Variants in GJB5 observed in about 807,000 individuals in gnomAD.
GJB5 encodes the protein gap junction protein beta 5.
For missense variants in GJB5, 333 were observed against 357.9 expected (o/e 0.93, Z 0.56); for synonymous variants, 146 against 145.5 (o/e 1.00, Z -0.02).
At chr1:34,755,951 T>G (rs1262061674) in intron 1 of GJB5, among the ~76,000 whole-genome samples, 1 of 152,256 alleles carries the variant, frequency 6.6e-6, no homozygotes, top group Non-Finnish European at 1.5e-5. Context: ...GAAGGAATAA[T>G]GTACTGATTC....
At position 34,758,197 on chromosome 1, in the gene GJB5, G is replaced by A. The variant is rs778328717; in HGVS notation, c.*45G>A. Reference sequence around the variant, plus strand: ...TGGCAGGTTGGGCCTGGATGGGGAGGCTCTAGCATCTCTCATAGGTGCAAC... The same window carrying A: ...TGGCAGGTTGGGCCTGGATGGGGAGACTCTAGCATCTCTCATAGGTGCAAC... On this transcript the variant is annotated 3_prime_UTR_variant, in exon 2 of 2. Coordinates refer to ENST00000338513, the MANE Select transcript of GJB5 (RefSeq NM_005268.4). 3.7e-5 allele frequency: 55 copies of A among 1,469,952 alleles called. 1 individual carries two copies. The East Asian group carries it at 1.2e-3, about 32-fold the overall frequency. The allele number at this position is 1,469,952 out of a possible 1,614,324, so 91.1% of individuals were successfully genotyped here. A position where few individuals can be genotyped will look rare whatever the true frequency, so the allele number is the denominator to read the frequency against.
In GJB5 at chr1:34,758,216, G is replaced by A. The variant is rs1639636081; in HGVS notation, c.*64G>A. On this transcript the variant is annotated 3_prime_UTR_variant, in exon 2 of 2. Coordinates refer to ENST00000338513, the MANE Select transcript of GJB5 (RefSeq NM_005268.4). ...GGGGAGGCTCTAGCATCTCTCATAG[G>A]TGCAACCTGAGAGTGGGGGAGCTAA... 3.2e-6 allele frequency: 4 copies of A among 1,264,908 alleles called. No homozygotes were observed. In the South Asian group the frequency reaches 5.3e-5, roughly 17 times the overall value. The allele number at this position is 1,264,908 out of a possible 1,614,324, so 78.4% of individuals were successfully genotyped here.
rs371248608 is a variant in GJB5 at position 34,757,323 on chromosome 1, G to A, written c.-8G>A. On this transcript the variant is annotated 5_prime_UTR_variant, in exon 2 of 2. An upstream open reading frame in the 5' UTR gains an earlier in-frame stop. Coordinates refer to ENST00000338513, the MANE Select transcript of GJB5 (RefSeq NM_005268.4). Reference sequence around the variant, plus strand: ...TCCCTGCAGTAGCAGCTGACGCGTGGGTCCACCATGAACTGGAGTATCTTT... The same window carrying A: ...TCCCTGCAGTAGCAGCTGACGCGTGAGTCCACCATGAACTGGAGTATCTTT... 1.4e-5 allele frequency: 23 copies of A among 1,591,744 alleles called. No individual in the cohort carries two copies. In the African/African-American group the frequency reaches 1.6e-4, roughly 11 times the overall value.
rs1557650283 is a variant in GJB5 at position 34,757,719 on chromosome 1, C to T, written c.389C>T (p.Thr130Ile). 1 of 1,614,034 alleles carries T rather than the reference C, an allele frequency of 6.2e-7. No individual in the cohort carries two copies. The highest frequency in any genetic ancestry group is 8.5e-7 in the Non-Finnish European group (1 of 1,180,014). The change falls in exon 2 of 2, where the codon ACA becomes ATA. Residue 130 changes from threonine (T) to isoleucine (I), a missense_variant. Transcript: ENST00000338513. ...PGKKRGGLWW[T>I]YVCSLVFKAS... ...AAGAAGCGGGGTGGGCTCTGGTGGA[C>T]ATATGTCTGCAGCCTAGTGTTCAAG...
chr1:34,757,808 C>G lies in GJB5; in HGVS notation c.478C>G (p.Pro160Ala). The change falls in exon 2 of 2, where the codon CCT (proline) becomes GCT (alanine). Residue 160 changes from proline (P) to alanine (A), a missense_variant. Transcript: ENST00000338513. The part of the protein sequence containing the change: ...HSFYPKYILP[P>A]VVKCHADPCP... ...ATTCTACCCCAAATATATCCTCCCT[C>G]CTGTGGTCAAGTGCCACGCAGATCC... 6.2e-7 allele frequency: 1 copy of G among 1,613,996 alleles called. No homozygotes were observed. Among genetic ancestry groups the G allele is most frequent in the Non-Finnish European group, 8.5e-7 (1 of 1,179,976 alleles).
At chr1:34,756,408 G>A (rs1019946056) in intron 1 of GJB5, among the ~76,000 whole-genome samples, 1 of 152,236 alleles carries the variant, frequency 6.6e-6, no homozygotes, top group Admixed American at 6.5e-5. Context: ...ATGTCAGGAG[G>A]AAAAGGGCTT....
In GJB5 at chr1:34,757,341, G is replaced by A; in HGVS notation, c.11G>A (p.Ser4Asn). 1 of 1,611,668 alleles carries A rather than the reference G, an allele frequency of 6.2e-7. No homozygotes were observed. The highest frequency in any genetic ancestry group is 8.5e-7 in the Non-Finnish European group (1 of 1,177,870). MNW[S>N]IFEGLLSGVN... is the part of the protein sequence containing the mutation. ...ACGCGTGGGTCCACCATGAACTGGA[G>A]TATCTTTGAGGGACTCCTGAGTGGG... Residue 4 changes from serine to asparagine, a missense_variant, in exon 2 of 2, where the codon AGT becomes AAT. Transcript: ENST00000338513.
At position 34,757,493 on chromosome 1, in the gene GJB5, A is replaced by G. The variant is rs1639613952; in HGVS notation, c.163A>G (p.Thr55Ala). The G allele has an allele frequency of 1.9e-6, 3 of 1,613,942 alleles. No homozygotes were observed. In the East Asian group the frequency reaches 6.7e-5, roughly 36 times the overall value. Residue 55 changes from threonine (T) to alanine (A), a missense_variant, in exon 2 of 2, where the codon ACT (threonine) becomes GCT (alanine). Transcript: ENST00000338513. ...SDDHKDFDCN[T>A]RQPGCSNVCF... ...TGACCACAAGGACTTCGACTGCAAT[A>G]CTCGCCAGCCCGGCTGCTCCAACGT...
Position 34,757,464 on chromosome 1 carries a change from G to C in GJB5, c.134G>C (p.Ser45Thr). ...CTGGTGACGGCCGAGCGTGTGTGGA[G>C]TGATGACCACAAGGACTTCGACTGC... Reference protein sequence around the residue: ...VYLVTAERVWSDDHKDFDCNT... With the variant: ...VYLVTAERVWTDDHKDFDCNT... Residue 45 changes from serine (S) to threonine (T), a missense_variant, in exon 2 of 2, where the codon AGT becomes ACT. Ser to Thr is a moderately conservative substitution (Grantham distance 58, BLOSUM62 1). Transcript: ENST00000338513. 2 of 1,614,172 alleles carry C rather than the reference G, an allele frequency of 1.2e-6. No homozygotes were observed. The highest frequency in any genetic ancestry group is 1.7e-6 in the Non-Finnish European group (2 of 1,180,040).
In GJB5 at chr1:34,755,465, T is replaced by G. The variant is rs557910801; in HGVS notation, c.-25+270T>G. ...CCTCCCCAAGTAGGGATGGGCTGGG[T>G]GAGAGCCCCTGGGGCTAAGGGCGGG... On this transcript the variant is annotated intron_variant, in intron 1 of 1. Coordinates refer to ENST00000338513, the MANE Select transcript of GJB5 (RefSeq NM_005268.4). Among the ~76,000 whole-genome samples the G allele has an allele frequency of 4.1e-3, 626 of 151,936 alleles. 3 individuals are homozygous for G. The highest frequency in any genetic ancestry group is 0.015 in the African/African-American group (604 of 41,366).
Position 34,758,103 on chromosome 1 carries a change from C to G in GJB5, c.773C>G (p.Pro258Arg), listed in dbSNP as rs770381623. The G allele has an allele frequency of 3.7e-6, 6 of 1,613,870 alleles. No homozygotes were observed. The change falls in exon 2 of 2, where the codon CCT becomes CGT. Residue 258 changes from proline to arginine, a missense_variant. By Grantham distance (103) the Pro-to-Arg change is moderately radical (BLOSUM62 -2). Coordinates refer to ENST00000338513, the MANE Select transcript of GJB5 (RefSeq NM_005268.4). ...TTTCTGGGCTCAGACAGTCATCCTC[C>G]TCTCTTACCAGACCGCCCCCGAGAC... ...LIFLGSDSHP[P>R]LLPDRPRDHV... is the part of the protein sequence containing the mutation.
Position 34,757,382 on chromosome 1 carries a change from A to G in GJB5, c.52A>G (p.Thr18Ala). Residue 18 changes from threonine to alanine, a missense_variant, in exon 2 of 2, where the codon ACA becomes GCA. Coordinates refer to ENST00000338513, the MANE Select transcript of GJB5 (RefSeq NM_005268.4). ...GLLSGVNKYS[T>A]AFGRIWLSLV... ...CCTGAGTGGGGTCAACAAGTACTCC[A>G]CAGCCTTTGGGCGCATCTGGCTGTC... 2 of 1,614,204 alleles carry G rather than the reference A, an allele frequency of 1.2e-6. No individual in the cohort carries two copies. Among genetic ancestry groups the G allele is most frequent in the Non-Finnish European group, 1.7e-6 (2 of 1,180,034 alleles).
chr1:34,756,878 G>A (rs1012037710), intron 1 of GJB5, among the ~76,000 whole-genome samples: 1 of 152,222 alleles, frequency 6.6e-6, no homozygotes. Context: ...AGAGGCAGCA[G>A]TGCTCAGAAA....
rs61750010 is a variant in GJB5 at position 34,757,426 on chromosome 1, C to T, written c.96C>T (p.Arg32=). The T allele has an allele frequency of 7.7e-4, 1,242 of 1,614,172 alleles. 7 individuals are homozygous for T. In the African/African-American group the frequency reaches 0.015, roughly 19 times the overall value. Residue 32 remains arginine, a synonymous_variant, in exon 2 of 2, where the codon CGC becomes CGT. Transcript: ENST00000338513. ...RIWLSLVFIF[R]VLVYLVTAER... ...GGCTGTCTCTGGTCTTCATCTTCCG[C>T]GTGCTGGTGTACCTGGTGACGGCCG...
chr1:34,755,801 G>A (rs1639571559), intron 1 of GJB5, among the ~76,000 whole-genome samples: 1 of 152,214 alleles, frequency 6.6e-6, no homozygotes, highest in Non-Finnish European at 1.5e-5. Flanking sequence ...GGGCTCTAGA[G>A]CCAGCCTGCC....
chr1:34,755,938 T>C (rs1639574197), intron 1 of GJB5, among the ~76,000 whole-genome samples: 1 of 152,254 alleles, frequency 6.6e-6, no homozygotes, highest in Non-Finnish European at 1.5e-5. Context: ...CTAAGGTTGC[T>C]GTGAAGGAAT....
rs374586636 is a variant in GJB5, at chr1:34,758,178, G to A, written c.*26G>A. The A allele has an allele frequency of 2.5e-5, 39 of 1,576,454 alleles. No individual in the cohort carries two copies. Among genetic ancestry groups the A allele is most frequent in the African/African-American group, 5.4e-5 (4 of 74,234 alleles). ...GGGGCTGCCTGGACTGGTCTGGCAG[G>A]TTGGGCCTGGATGGGGAGGCTCTAG... On this transcript the variant is annotated 3_prime_UTR_variant, in exon 2 of 2. Coordinates refer to ENST00000338513, the MANE Select transcript of GJB5 (RefSeq NM_005268.4).
At position 34,757,288 on chromosome 1, in the gene GJB5, TGTTCTTGTTTCCCTGCA is replaced by T. The variant is rs536010267; in HGVS notation, c.-24-16_-24del. 492 of 1,309,732 alleles carry T rather than the reference TGTTCTTGTTTCCCTGCA, an allele frequency of 3.8e-4. 1 individual carries two copies. In the East Asian group the frequency reaches 5.2e-3, roughly 14 times the overall value. 81.1% of individuals were successfully genotyped at this position (1,309,732 alleles called of 1,614,324 possible). A position where few individuals can be genotyped will look rare whatever the true frequency, so the allele number is the denominator to read the frequency against. On this transcript the variant is annotated splice_acceptor_variant and splice_polypyrimidine_tract_variant and intron_variant, in intron 1 of 1. Coordinates refer to ENST00000338513, the MANE Select transcript of GJB5 (RefSeq NM_005268.4). LOFTEE classifies it low-confidence loss of function (5UTR_SPLICE). ...GTCTGTGATAAATGTAGGAAATGAT[TGTTCTTGTTTCCCTGCA>T]GTAGCAGCTGACGCGTGGGTCCACC...
In GJB5 at chr1:34,758,213, T is replaced by A. The variant is rs1218812484; in HGVS notation, c.*61T>A. ...GATGGGGAGGCTCTAGCATCTCTCA[T>A]AGGTGCAACCTGAGAGTGGGGGAGC... On this transcript the variant is annotated 3_prime_UTR_variant, in exon 2 of 2. Coordinates refer to ENST00000338513, the MANE Select transcript of GJB5 (RefSeq NM_005268.4). 3.1e-6 allele frequency: 4 copies of A among 1,288,700 alleles called. No individual in the cohort carries two copies. The highest frequency in any genetic ancestry group is 1.3e-5 in the South Asian group (1 of 77,042). The allele number at this position is 1,288,700 out of a possible 1,614,324, so 79.8% of individuals were successfully genotyped here. A position where few individuals can be genotyped will look rare whatever the true frequency, so the allele number is the denominator to read the frequency against.
Sources: allele counts gnomAD v4.1 joint callset (sites outside exome capture counted in the v4.1 genomes callset), GRCh38; gene constraint gnomAD v4.1.1; transcripts MANE v1.5; gene names NCBI Gene and HGNC (gene_info 2026-07-23, HGNC 2026-07-21).